The following TMLHE variants were observed in gnomAD, a reference collection of about 807,000 sequenced individuals.
TMLHE encodes the protein trimethyllysine hydroxylase, epsilon.
In TMLHE, 18 loss-of-function variants were observed where a neutral mutation model predicts 25.7. That is an observed-to-expected ratio of 0.70 (90% CI 0.48 to 1.04). The LOEUF is 1.04. Among genes scored for constraint, TMLHE ranks in the 50% least tolerant of loss-of-function variants. TMLHE has a pLI of 0.00. For synonymous variants in TMLHE, 105 were observed against 97.0 expected (o/e 1.08, Z -0.49); for missense variants, 236 against 259.0 (o/e 0.91, Z 0.61).
chrX:155,608,615 T>C (rs899670707), intron 1 of TMLHE, among the ~76,000 whole-genome samples: 1 of 111,708 alleles, frequency 9.0e-6, no homozygotes. Context: ...ATAGAGTAAA[T>C]AGACAACACA....
At chrX:155,506,813 A>G (rs2067078752) in intron 6 of TMLHE, 85 bp downstream of exon 6, 3 of 748,318 alleles carry the variant, frequency 4.0e-6, no homozygotes, top group South Asian at 2.4e-5. Context: ...TGTAGCAGAT[A>G]TAAGAATCTT....
At chrX:155,610,729 CAA>C (rs1344559294) in intron 1 of TMLHE, among the ~76,000 whole-genome samples, 5 of 111,112 alleles carry the variant, frequency 4.5e-5, no homozygotes, top group African/African-American at 1.6e-4. Context: ...AGTCATGGGA[CAA>C]AGAGAAGTGG....
chrX:155,582,246 T>G (rs1327628761), intron 1 of TMLHE, among the ~76,000 whole-genome samples: 1 of 111,956 alleles, frequency 8.9e-6, no homozygotes, highest in Non-Finnish European at 1.9e-5. Flanking sequence ...GGCAATACCA[T>G]TCAGGACATA....
rs1306445581 is a variant in TMLHE, at chrX:155,596,593, AAAAG to A, written c.-2+16195_-2+16198del. Among the ~76,000 whole-genome samples, 20 of 112,232 alleles carry A rather than the reference AAAAG, an allele frequency of 1.8e-4. No homozygotes were observed. In the Admixed American group the frequency reaches 1.8e-3, roughly 10 times the overall value. Reference sequence around the variant, plus strand: ...ATTAAAGAATTCCCCCATGTGTATCAAAAGAAAGAAATGAGGCTATTTTGACATG... The same window carrying A: ...ATTAAAGAATTCCCCCATGTGTATCAAAAGAAATGAGGCTATTTTGACATG... On this transcript the variant is annotated intron_variant, in intron 1 of 7. Coordinates refer to ENST00000334398, the MANE Select transcript of TMLHE (RefSeq NM_018196.4).
chrX:155,510,295 A>T (rs1278663907), intron 5 of TMLHE, among the ~76,000 whole-genome samples: 3 of 105,531 alleles, frequency 2.8e-5, no homozygotes, highest in Non-Finnish European at 3.9e-5. Flanking sequence ...CATGTGCACA[A>T]TGTGCAGGTT....
At position 155,511,673 on chromosome X, in the gene TMLHE, CCA is replaced by C; in HGVS notation, c.756_757del (p.Cys252TrpfsTer9). The C allele has an allele frequency of 8.4e-7, 1 of 1,195,465 alleles. No homozygotes were observed. The highest frequency in any genetic ancestry group is 1.1e-6 in the Non-Finnish European group (1 of 885,288). ...CACTGTAAAAGTCTAATCCACCTAC[CCA>C]CAGGGCTCTTGAAAATAGGTAGTGT... is the stretch of plus-strand genomic sequence containing the variant. On this transcript the variant is annotated frameshift_variant and splice_region_variant, in exon 5 of 8. Coordinates refer to ENST00000334398, the MANE Select transcript of TMLHE (RefSeq NM_018196.4). LOFTEE classifies it high-confidence loss of function.
chrX:155,525,501 T>C (rs2067214345), intron 2 of TMLHE, among the ~76,000 whole-genome samples: 1 of 111,843 alleles, frequency 8.9e-6, no homozygotes, highest in African/African-American at 3.2e-5. Context: ...ACACAGAAAA[T>C]TGTTACCAGA....
At chrX:155,531,509 A>G (rs1471559046) in intron 2 of TMLHE, among the ~76,000 whole-genome samples, 2 of 110,663 alleles carry the variant, frequency 1.8e-5, no homozygotes, top group Admixed American at 1.9e-4. Flanking sequence ...TTCATGAGGG[A>G]TTTGCCCTCA....
intron 1 of TMLHE, among the ~76,000 whole-genome samples, chrX:155,548,063 C>G (rs868910483): frequency 2.7e-5 from 3 of 111,438 alleles, no homozygotes; most frequent in South Asian, 3.7e-4. Context: ...AGAATGAGAC[C>G]CCTACCTCTT....
At chrX:155,521,565 C>T (rs1363478222) in intron 3 of TMLHE, among the ~76,000 whole-genome samples, 1 of 1,272 alleles carries the variant, frequency 7.9e-4, no homozygotes, top group African/African-American at 2.3e-3. Flanking sequence ...TCGAGCTTCC[C>T]GGCTGCTTTG....
At chrX:155,542,036 C>T (rs1171311780) in intron 2 of TMLHE, among the ~76,000 whole-genome samples, 3 of 111,241 alleles carry the variant, frequency 2.7e-5, no homozygotes, top group African/African-American at 9.8e-5. Context: ...TGTGGAGAAG[C>T]TCTTTAGTTT....
At chrX:155,573,136 GA>G (rs782586135) in intron 1 of TMLHE, among the ~76,000 whole-genome samples, 803 of 56,693 alleles carry the variant, frequency 0.014, 133 homozygotes, top group African/African-American at 0.032. Context: ...AAATTTACAA[GA>G]AAAAAACAAA....
chrX:155,547,611 G>A (rs1440670948), intron 1 of TMLHE, among the ~76,000 whole-genome samples: 1 of 110,757 alleles, frequency 9.0e-6, no homozygotes, highest in Non-Finnish European at 1.9e-5. Flanking sequence ...GTGCAAAGGA[G>A]TAAGAAGTTA....
chrX:155,602,516 C>T (rs782593792), intron 1 of TMLHE, among the ~76,000 whole-genome samples: 33 of 111,617 alleles, frequency 3.0e-4, no homozygotes, highest in South Asian at 2.3e-3. Context: ...TCACTCCTGT[C>T]ATTCCTATTC....
Position 155,561,026 on chromosome X carries a change from G to C in TMLHE, c.-1-15749C>G, listed in dbSNP as rs782669724. Among the ~76,000 whole-genome samples the C allele has an allele frequency of 6.5e-5, 4 of 61,160 alleles. 1 individual carries two copies. In the East Asian group the frequency reaches 2.9e-3, roughly 45 times the overall value. 53.1% of individuals were successfully genotyped at this position (61,160 alleles called of 115,157 possible). A position where few individuals can be genotyped will look rare whatever the true frequency, so the allele number is the denominator to read the frequency against. ...AGAAATGATAGTGACTTAGACTAAG[G>C]CAGTAGCAGTGAAAGTGGTGAAAAA... is the stretch of plus-strand genomic sequence containing the variant. On this transcript the variant is annotated intron_variant, in intron 1 of 7. Coordinates refer to ENST00000334398, the MANE Select transcript of TMLHE (RefSeq NM_018196.4).
At chrX:155,506,506 T>A (rs2124317853) in intron 6 of TMLHE, among the ~76,000 whole-genome samples, 1 of 111,492 alleles carries the variant, frequency 9.0e-6, no homozygotes, top group East Asian at 2.8e-4. Flanking sequence ...TTCTACAAAA[T>A]ATCTAAGTTG....
chrX:155,578,078 A>T (rs2067602515), intron 1 of TMLHE, among the ~76,000 whole-genome samples: 1 of 111,224 alleles, frequency 9.0e-6, no homozygotes, highest in Admixed American at 9.5e-5. Flanking sequence ...GAGATGGGGG[A>T]GGCCTGGCAC....
intron 1 of TMLHE, among the ~76,000 whole-genome samples, chrX:155,592,916 C>T (rs1182282736): frequency 8.9e-6 from 1 of 111,803 alleles, no homozygotes; most frequent in African/African-American, 3.3e-5. Flanking sequence ...CCTCAGACTC[C>T]CCAAGGCCCC....
intron 1 of TMLHE, among the ~76,000 whole-genome samples, chrX:155,593,013 T>C (rs2067701625): frequency 9.0e-6 from 1 of 111,660 alleles, no homozygotes; most frequent in South Asian, 3.8e-4. Flanking sequence ...AAACAGCAGC[T>C]TGGCTCAGCC....
Sources: allele counts gnomAD v4.1 joint callset (sites outside exome capture counted in the v4.1 genomes callset), GRCh38; gene constraint gnomAD v4.1.1; transcripts MANE v1.5; gene names NCBI Gene and HGNC (gene_info 2026-07-23, HGNC 2026-07-21).